Variants in RARS2 observed in about 807,000 individuals in gnomAD.
RARS2 encodes the protein arginyl-tRNA synthetase 2, mitochondrial, also known as probable arginine--tRNA ligase, mitochondrial.
A neutral mutation model predicts 88.5 loss-of-function variants in RARS2; 67 were observed. The observed-to-expected ratio is 0.76, with a 90% CI of 0.62 to 0.93. The LOEUF is 0.93. Among genes scored for constraint, RARS2 ranks in the 40% least tolerant of loss-of-function variants. The probability of loss-of-function intolerance (pLI) is 0.00; values close to 1 mark genes in which losing one functional copy is unlikely to be tolerated. For synonymous variants in RARS2, 239 were observed against 230.3 expected, an observed-to-expected ratio of 1.04 and a Z score of -0.34; for missense variants, 664 against 684.2, an observed-to-expected ratio of 0.97 and a Z score of 0.33.
At chr6:87,527,374 CAGA>C (rs1451169714) in intron 10 of RARS2, among the ~76,000 whole-genome samples, 1 of 152,030 alleles carries the variant, frequency 6.6e-6, no homozygotes. Context: ...TATCCATATG[CAGA>C]AGAATAAAAC....
chr6:87,574,149 G>C (rs145029710), intron 1 of RARS2, among the ~76,000 whole-genome samples: 3 of 152,140 alleles, frequency 2.0e-5, no homozygotes, highest in Non-Finnish European at 4.4e-5. Context: ...AAAATTCTAG[G>C]GTAACACACC....
chr6:87,572,413 T>C lies in RARS2; in HGVS notation c.37-2823A>G, dbSNP rs1255611846. Among the ~76,000 whole-genome samples, 7 of 152,198 alleles carry C rather than the reference T, an allele frequency of 4.6e-5. No homozygotes were observed. The East Asian group carries it at 1.3e-3, about 29-fold the overall frequency. Reference sequence around the variant, plus strand: ...AATTCGGCTGAAAAAAACTCAGTTATTAGGTCAATTTTGAAGCATTTCAGC... The same window carrying C: ...AATTCGGCTGAAAAAAACTCAGTTACTAGGTCAATTTTGAAGCATTTCAGC... On this transcript the variant is annotated intron_variant, in intron 1 of 19. Coordinates refer to ENST00000369536, the MANE Select transcript of RARS2 (RefSeq NM_020320.5).
intron 7 of RARS2, among the ~76,000 whole-genome samples, chr6:87,543,764 G>A (rs537675629): frequency 2.0e-5 from 3 of 152,280 alleles, no homozygotes; most frequent in East Asian, 3.9e-4. Context: ...CTGAACACAG[G>A]ACACAGGAAT....
chr6:87,572,850 C>T (rs897162492), intron 1 of RARS2, among the ~76,000 whole-genome samples: 3 of 152,106 alleles, frequency 2.0e-5, no homozygotes, highest in East Asian at 1.9e-4. Flanking sequence ...AGGTACTTAA[C>T]GCTTCTTGGC....
At position 87,514,946 on chromosome 6, in the gene RARS2, A is replaced by C. The variant is rs1391788840; in HGVS notation, c.1650+11T>G. ...CTAGGGATTATACAGAAAACATTCA[A>C]CATAACGTACCCCAGCCACTTCAGG... On this transcript the variant is annotated intron_variant, in intron 19 of 19. Transcript: ENST00000369536. 6.2e-7 allele frequency: 1 copy of C among 1,602,472 alleles called. No homozygotes were observed. Among genetic ancestry groups the C allele is most frequent in the South Asian group, 1.1e-5 (1 of 90,812 alleles).
intron 2 of RARS2, 60 bp downstream of exon 2, chr6:87,569,457 T>C (rs760366384): frequency 2.2e-6 from 3 of 1,354,668 alleles, no homozygotes; most frequent in South Asian, 1.2e-5. Context: ...TTTTGCTTTT[T>C]TGGTGTATCA....
At chr6:87,523,252 T>C (rs1419033084) in intron 11 of RARS2, among the ~76,000 whole-genome samples, 1 of 152,198 alleles carries the variant, frequency 6.6e-6, no homozygotes, top group Non-Finnish European at 1.5e-5. Context: ...GAAGACGTGC[T>C]AGGTCATTTA....
intron 5 of RARS2, among the ~76,000 whole-genome samples, chr6:87,550,330 C>T (rs1582595275): frequency 6.6e-6 from 1 of 152,234 alleles, no homozygotes; most frequent in East Asian, 1.9e-4. Flanking sequence ...AAGGGGAGTC[C>T]TAGCGCTGCA....
At chr6:87,518,961 A>G in intron 14 of RARS2, 70 bp from the exon 15 acceptor site, 3 of 1,405,154 alleles carry the variant, frequency 2.1e-6, no homozygotes, top group Non-Finnish European at 2.0e-6. Flanking sequence ...AAGTGAAGGT[A>G]ACATCTGCCA....
Position 87,528,600 on chromosome 6 carries a change from A to G in RARS2, c.878+942T>C, listed in dbSNP as rs554956121. Among the ~76,000 whole-genome samples the G allele has an allele frequency of 1.4e-4, 21 of 152,356 alleles. No individual in the cohort carries two copies. The South Asian group carries it at 4.4e-3, about 32-fold the overall frequency. On this transcript the variant is annotated intron_variant, in intron 10 of 19. Transcript: ENST00000369536. ...CCTGTCATTTGTGACAACATGGATA[A>G]ACTGAAAGGACATTATGCTCAGTGA...
chr6:87,577,260 T>C (rs1453970515), intron 1 of RARS2, among the ~76,000 whole-genome samples: 1 of 152,214 alleles, frequency 6.6e-6, no homozygotes, highest in South Asian at 2.1e-4. Flanking sequence ...AGTATGATGA[T>C]GGCTCACTGC....
chr6:87,516,162 A>AGCT (rs10536826), intron 18 of RARS2, among the ~76,000 whole-genome samples: 5 of 152,288 alleles, frequency 3.3e-5, no homozygotes, highest in African/African-American at 1.2e-4. Context: ...CAGAAGATAC[A>AGCT]GCTGCTGCTG....
At chr6:87,545,722 G>A (rs1399856851) in intron 6 of RARS2, 23 bp from the exon 7 acceptor site, 1 of 1,606,446 alleles carries the variant, frequency 6.2e-7, no homozygotes, top group African/African-American at 1.3e-5. Flanking sequence ...AAAGTATATA[G>A]TTTCTCATTC....
intron 7 of RARS2, among the ~76,000 whole-genome samples, chr6:87,542,234 T>A (rs771001844): frequency 6.6e-6 from 1 of 152,060 alleles, no homozygotes; most frequent in Admixed American, 6.5e-5. Context: ...CAGAAACCAA[T>A]AGGTTATGAG....
intron 1 of RARS2, among the ~76,000 whole-genome samples, chr6:87,573,510 G>A (rs1770440308): frequency 6.6e-6 from 1 of 152,096 alleles, no homozygotes; most frequent in South Asian, 2.1e-4. Flanking sequence ...AGGGGGTTGG[G>A]GTGAATGTGG....
rs182169951 is a variant in RARS2, at chr6:87,527,182, G to A, written c.878+2360C>T. On this transcript the variant is annotated intron_variant, in intron 10 of 19. Transcript: ENST00000369536. ...AAATTAGCTGGGTATGGTGGCACGC[G>A]CTTGTAATCCCAGCTACTTGGGAGG... Among the ~76,000 whole-genome samples, 425 of 151,990 alleles carry A rather than the reference G, an allele frequency of 2.8e-3. 4 individuals are homozygous for A. Among genetic ancestry groups the A allele is most frequent in the Non-Finnish European group, 3.8e-3 (260 of 67,966 alleles).
intron 1 of RARS2, among the ~76,000 whole-genome samples, chr6:87,573,081 T>TATA (rs1462451703): frequency 6.6e-6 from 1 of 152,210 alleles, no homozygotes; most frequent in Non-Finnish European, 1.5e-5. Flanking sequence ...CTTGTACTGC[T>TATA]ATAAAGACAT....
chr6:87,562,812 G>T (rs769125151), intron 3 of RARS2, 27 bp from the exon 4 acceptor site: 3 of 1,565,484 alleles, frequency 1.9e-6, no homozygotes, highest in Non-Finnish European at 2.6e-6. Context: ...ACACAAAGTA[G>T]GTATGTTATA....
At chr6:87,550,839 T>C (rs754570707) in intron 5 of RARS2, among the ~76,000 whole-genome samples, 9 of 141,626 alleles carry the variant, frequency 6.4e-5, no homozygotes, top group Non-Finnish European at 1.2e-4. Flanking sequence ...GTGAAAACAA[T>C]GTAAAATATG....
Sources: gnomAD v4.1 joint callset for allele counts (sites outside exome capture counted in the v4.1 genomes callset) on GRCh38, gnomAD v4.1.1 for gene constraint, MANE v1.5 for transcripts, NCBI Gene and HGNC (gene_info 2026-07-23, HGNC 2026-07-21) for gene names.